The following ABCA13 variants were observed in gnomAD, a reference collection of about 807,000 sequenced individuals.
ABCA13 encodes ATP-binding cassette sub-family A member 13.
A neutral mutation model predicts 478.7 loss-of-function variants in ABCA13; 476 were observed. The ratio of observed to expected loss-of-function variants is 0.99; its 90% confidence interval spans 0.92 to 1.07. ABCA13 has a LOEUF of 1.07. Ranked by LOEUF, ABCA13 falls within the 50% of genes least tolerant of loss-of-function variation. The pLI is 0.00. For synonymous variants in ABCA13, 2,252 were observed against 2,158.9 expected (o/e 1.04, Z -1.20); for missense variants, 6,060 against 5,910.6 (o/e 1.03, Z -0.83).
At chr7:48,242,277 A>G (rs1790957042) in intron 10 of ABCA13, among the ~76,000 whole-genome samples, 1 of 107,812 alleles carries the variant, frequency 9.3e-6, no homozygotes, top group Non-Finnish European at 2.0e-5. Flanking sequence ...TCTTAGTCCT[A>G]CAGAGATGGG....
chr7:48,390,167 T>A (rs1311928487), intron 37 of ABCA13, among the ~76,000 whole-genome samples: 1 of 152,192 alleles, frequency 6.6e-6, no homozygotes, highest in African/African-American at 2.4e-5. Flanking sequence ...AAGACACATT[T>A]CTTACAAGGA....
intron 38 of ABCA13, among the ~76,000 whole-genome samples, chr7:48,400,277 G>C (rs1436278629): frequency 6.6e-6 from 1 of 152,150 alleles, no homozygotes; most frequent in Non-Finnish European, 1.5e-5. Flanking sequence ...TATTTCTCTA[G>C]CCCTAGCAGG....
At chr7:48,598,049 CAGAT>C (rs1790480642) in intron 58 of ABCA13, among the ~76,000 whole-genome samples, 1 of 152,118 alleles carries the variant, frequency 6.6e-6, no homozygotes, top group South Asian at 2.1e-4. Context: ...ATTATAGTAT[CAGAT>C]AGAATTGTTT....
intron 55 of ABCA13, among the ~76,000 whole-genome samples, chr7:48,532,601 G>C (rs1394935345): frequency 6.6e-6 from 1 of 152,030 alleles, no homozygotes; most frequent in East Asian, 1.9e-4. Flanking sequence ...TTGAATGTCT[G>C]ATAGAATTCA....
At chr7:48,240,411 G>T (rs1005317570) in intron 9 of ABCA13, among the ~76,000 whole-genome samples, 42 of 152,298 alleles carry the variant, frequency 2.8e-4, no homozygotes, top group Middle Eastern at 3.4e-3. Flanking sequence ...TTTGTGTAAT[G>T]TTGATGACAA....
intron 42 of ABCA13, among the ~76,000 whole-genome samples, chr7:48,437,293 A>G (rs1822979728): frequency 6.6e-6 from 1 of 151,964 alleles, no homozygotes; most frequent in Admixed American, 6.6e-5. Context: ...TTTTGCATTT[A>G]CTTTCTACTT....
intron 45 of ABCA13, among the ~76,000 whole-genome samples, chr7:48,472,055 A>G (rs1271997483): frequency 6.6e-6 from 1 of 152,190 alleles, no homozygotes; most frequent in African/African-American, 2.4e-5. Flanking sequence ...GTGTGCCACT[A>G]TTGAGGTGAG....
At chr7:48,620,884 T>G (rs1793068927) in intron 59 of ABCA13, among the ~76,000 whole-genome samples, 1 of 152,154 alleles carries the variant, frequency 6.6e-6, no homozygotes, top group Admixed American at 6.5e-5. Context: ...TGATCTCATT[T>G]TGCAGAAGTC....
At chr7:48,631,606 T>C (rs1794171904) in intron 59 of ABCA13, among the ~76,000 whole-genome samples, 1 of 152,158 alleles carries the variant, frequency 6.6e-6, no homozygotes, top group Admixed American at 6.5e-5. Flanking sequence ...AGCTTTGTTC[T>C]TTTTTATTAA....
intron 55 of ABCA13, among the ~76,000 whole-genome samples, chr7:48,559,624 C>T (rs1375865557): frequency 6.6e-6 from 1 of 152,288 alleles, no homozygotes; most frequent in Non-Finnish European, 1.5e-5. Flanking sequence ...ATAGCCACTA[C>T]AGCTAGGAAT....
chr7:48,427,812 C>G lies in ABCA13; in HGVS notation c.12506C>G (p.Ala4169Gly), dbSNP rs757360304. Residue 4169 changes from alanine to glycine, a missense_variant, in exon 42 of 62, where the codon GCC becomes GGC. Around this residue, in one of 3 missense-constraint regions of ABCA13, gnomAD observed 1,627 missense variants for 1,571.0 expected, o/e 1.04. Transcript: ENST00000435803. Reference protein sequence around the residue: ...LQDSNKKSHIALGTESELQNH... With the variant: ...LQDSNKKSHIGLGTESELQNH... ...GATTCCAACAAGAAATCTCACATTG[C>G]CCTGGGGACTGAGTCAGAGCTGCAG... is the stretch of plus-strand genomic sequence containing the variant. 3 of 1,611,910 alleles carry G rather than the reference C, an allele frequency of 1.9e-6. No individual in the cohort carries two copies. Among genetic ancestry groups the G allele is most frequent in the African/African-American group, 2.7e-5 (2 of 74,784 alleles).
At position 48,279,354 on chromosome 7, in the gene ABCA13, G is replaced by T; in HGVS notation, c.8160G>T (p.Leu2720Phe). 6.3e-7 allele frequency: 1 copy of T among 1,587,084 alleles called. No individual in the cohort carries two copies. The highest frequency in any genetic ancestry group is 1.1e-5 in the South Asian group (1 of 87,738). Residue 2720 changes from leucine to phenylalanine, a missense_variant, in exon 18 of 62, where the codon TTG becomes TTT. Physicochemically the swap from Leu to Phe is conservative, Grantham distance 22 (BLOSUM62 0). Transcript: ENST00000435803. The part of the protein sequence containing the change: ...WEIIHEVIPF[L>F]DKILSQNSTE... ...TAATTCATGAAGTGATCCCTTTTTT[G>T]GATAAAATATTATCACAAAACAGCA...
chr7:48,451,963 A>G (rs1825096897), intron 42 of ABCA13, among the ~76,000 whole-genome samples: 1 of 152,240 alleles, frequency 6.6e-6, no homozygotes, highest in Non-Finnish European at 1.5e-5. Context: ...TTGGCCCAGC[A>G]TTTTAATTTT....
intron 29 of ABCA13, among the ~76,000 whole-genome samples, chr7:48,345,214 C>T (rs746140438): frequency 6.6e-6 from 1 of 152,194 alleles, no homozygotes; most frequent in Non-Finnish European, 1.5e-5. Flanking sequence ...CAATTATGTA[C>T]AGCACGTAAT....
intron 55 of ABCA13, among the ~76,000 whole-genome samples, chr7:48,543,584 G>A (rs111324443): frequency 0.13 from 20,291 of 151,166 alleles, 1,867 homozygotes; most frequent in African/African-American, 0.21. Flanking sequence ...AGATCGCACC[G>A]TTGCACTCCA....
At chr7:48,488,869 C>G (rs1214331986) in intron 47 of ABCA13, among the ~76,000 whole-genome samples, 2 of 151,152 alleles carry the variant, frequency 1.3e-5, no homozygotes, top group African/African-American at 4.9e-5. Flanking sequence ...CATTTTTTTT[C>G]TGATAATCTT....
intron 57 of ABCA13, among the ~76,000 whole-genome samples, chr7:48,590,764 A>G (rs1049523523): frequency 2.6e-5 from 4 of 151,992 alleles, no homozygotes; most frequent in African/African-American, 9.7e-5. Context: ...TCATATACCT[A>G]TTGGCCATTT....
intron 42 of ABCA13, among the ~76,000 whole-genome samples, chr7:48,438,831 A>G (rs1823195606): frequency 6.6e-6 from 1 of 151,108 alleles, no homozygotes; most frequent in Admixed American, 6.6e-5. Flanking sequence ...TTTGTTGCTA[A>G]CAAATTCTGT....
rs566926858 is a variant in ABCA13 at position 48,230,025 on chromosome 7, T to C, written c.763+70T>C. On this transcript the variant is annotated intron_variant, in intron 7 of 61. Transcript: ENST00000435803. Reference sequence around the variant, plus strand: ...TACTTAAATTCATTGACAGTTGACATAGAGCTAAAATGATGTTCAAAATGA... The same window carrying C: ...TACTTAAATTCATTGACAGTTGACACAGAGCTAAAATGATGTTCAAAATGA... 6 of 1,503,678 alleles carry C rather than the reference T, an allele frequency of 4.0e-6. No homozygotes were observed. In the South Asian group the frequency reaches 6.6e-5, roughly 17 times the overall value. 93.1% of individuals were successfully genotyped at this position (1,503,678 alleles called of 1,614,324 possible).
Sources: allele counts gnomAD v4.1 joint callset (sites outside exome capture counted in the v4.1 genomes callset), GRCh38; gene constraint gnomAD v4.1.1; regional missense constraint gnomAD v4.1.1; transcripts MANE v1.5; gene names NCBI Gene and HGNC (gene_info 2026-07-23, HGNC 2026-07-21).